ROBO4: variants seen among roughly 807,000 people sequenced by gnomAD.
The protein encoded by ROBO4 is roundabout guidance receptor 4.
In ROBO4, 80 loss-of-function variants were observed where a neutral mutation model predicts 103.3. That is an observed-to-expected ratio of 0.77 (90% CI 0.65 to 0.93). The LOEUF (loss-of-function observed/expected upper bound fraction) is 0.93, where lower values mean the gene tolerates loss of function less well. ROBO4 is among the 40% of genes least tolerant of loss of function. The pLI, the probability that ROBO4 is intolerant of heterozygous loss-of-function variation, is 0.00. For missense variants in ROBO4, 1,333 were observed against 1,305.3 expected (o/e 1.02, Z -0.33); for synonymous variants, 504 against 529.7 (o/e 0.95, Z 0.67).
chr11:124,893,081 G>T (rs1946823834), intron 10 of ROBO4: 1 of 155,732 alleles, frequency 6.4e-6, no homozygotes, highest in Non-Finnish European at 1.4e-5. Flanking sequence ...CAGACAGAGA[G>T]ATGAGGCGGT....
chr11:124,895,305 T>C, intron 6 of ROBO4, 112 bp from the exon 7 acceptor site: 1 of 1,149,952 alleles, frequency 8.7e-7, no homozygotes, highest in South Asian at 1.4e-5. Flanking sequence ...AAGAAGCCTC[T>C]TGAAGCTCTG....
chr11:124,894,848 T>A (rs1236879619), intron 7 of ROBO4, among the ~76,000 whole-genome samples: 1 of 152,206 alleles, frequency 6.6e-6, no homozygotes, highest in Non-Finnish European at 1.5e-5. Flanking sequence ...ACTTTCCATG[T>A]CTGTAAATTG....
chr11:124,887,057 C>T lies in ROBO4; in HGVS notation c.2355G>A (p.Leu785=), dbSNP rs772175465. 2.5e-6 allele frequency: 4 copies of T among 1,613,872 alleles called. No individual in the cohort carries two copies. The highest frequency in any genetic ancestry group is 3.4e-6 in the Non-Finnish European group (4 of 1,179,886). ...TCAGCACGCTGTCTTGATCCTCCCC[C>T]AGGGATGACAGTGAGGAGCTGGACA... ...SRLSSSSLSS[L]GEDQDSVLTP... The change falls in exon 15 of 18, where the codon CTG becomes CTA. Residue 785 remains leucine (L), a synonymous_variant. Transcript: ENST00000306534.
chr11:124,894,722 A>T (rs1194209759), intron 7 of ROBO4, among the ~76,000 whole-genome samples: 1 of 152,200 alleles, frequency 6.6e-6, no homozygotes, highest in Non-Finnish European at 1.5e-5. Flanking sequence ...TGTATTCCTA[A>T]CAAGGTCCTG....
Position 124,886,466 on chromosome 11 carries a change from A to G in ROBO4, c.2792T>C (p.Ile931Thr), listed in dbSNP as rs1214474469. The change falls in exon 16 of 18, where the codon ATA (isoleucine) becomes ACA (threonine). Residue 931 changes from isoleucine to threonine, a missense_variant and splice_region_variant. Transcript: ENST00000306534. ...TAAGATGGGGAGACCTCACATACCT[A>G]TGAAGACGCAGTCTGCCTCCCTGGG... ...LEPREADCVFIDASSPPSPRD... is the reference protein window; with the variant it reads ...LEPREADCVFTDASSPPSPRD... 1.2e-6 allele frequency: 2 copies of G among 1,611,496 alleles called. No homozygotes were observed. The highest frequency in any genetic ancestry group is 1.1e-5 in the South Asian group (1 of 90,948).
At chr11:124,887,995 T>G (rs1336884744) in intron 12 of ROBO4, among the ~76,000 whole-genome samples, 155 bp from the exon 13 acceptor site, 3 of 152,214 alleles carry the variant, frequency 2.0e-5, no homozygotes, top group African/African-American at 7.2e-5. Flanking sequence ...ACCCCCATCT[T>G]CATCCAGCAG....
At chr11:124,892,540 C>T (rs1946815915) in intron 10 of ROBO4, 1 of 157,284 alleles carries the variant, frequency 6.4e-6, no homozygotes, top group Non-Finnish European at 1.4e-5. Flanking sequence ...ACATAGCAGG[C>T]TATTACTTGC....
At chr11:124,891,628 C>T (rs747161647) in intron 11 of ROBO4, 38 bp downstream of exon 11, 49 of 1,614,064 alleles carry the variant, frequency 3.0e-5, no homozygotes, top group South Asian at 1.6e-4. Flanking sequence ...GAGATCACTG[C>T]CCCCAGCTAG....
intron 16 of ROBO4, 65 bp from the exon 17 acceptor site, chr11:124,885,312 C>G: frequency 7.1e-7 from 1 of 1,411,960 alleles, no homozygotes; most frequent in Non-Finnish European, 9.8e-7. Flanking sequence ...CAGTTTAGTA[C>G]AGAAAGCTTA....
intron 12 of ROBO4, among the ~76,000 whole-genome samples, chr11:124,888,095 T>C (rs34383371): frequency 0.23 from 35,569 of 152,200 alleles, 5,560 homozygotes; most frequent in African/African-American, 0.45. Context: ...TGTACCTTTC[T>C]GAGTCTCAGT....
intron 16 of ROBO4, among the ~76,000 whole-genome samples, chr11:124,886,005 A>G (rs888896568): frequency 1.1e-4 from 17 of 152,264 alleles, no homozygotes; most frequent in African/African-American, 3.9e-4. Flanking sequence ...CCTGGCCAAC[A>G]TGGTGAAACC....
At chr11:124,897,593 CTCA>C (rs1211086426) in intron 1 of ROBO4, 130 bp downstream of exon 1, 32 of 736,316 alleles carry the variant, frequency 4.3e-5, no homozygotes, top group African/African-American at 6.9e-5. Flanking sequence ...CTTACACACA[CTCA>C]TCATCATCAT....
At chr11:124,889,950 A>G (rs1434494571) in intron 12 of ROBO4, among the ~76,000 whole-genome samples, 1 of 152,160 alleles carries the variant, frequency 6.6e-6, no homozygotes, top group African/African-American at 2.4e-5. Context: ...TGGAGCGAGG[A>G]GAAACAGGGA....
chr11:124,883,891 A>G lies in ROBO4; in HGVS notation c.*1000T>C, dbSNP rs1946671206. On this transcript the variant is annotated 3_prime_UTR_variant, in exon 18 of 18. Transcript: ENST00000306534. Reference sequence around the variant, plus strand: ...TTGGGCAGAATGAACCTATTACTTCATTTTCCCCACAGCCAATCACCCTTC... The same window carrying G: ...TTGGGCAGAATGAACCTATTACTTCGTTTTCCCCACAGCCAATCACCCTTC... The G allele has an allele frequency of 6.6e-6, 1 of 151,596 alleles. No individual in the cohort carries two copies. The highest frequency in any genetic ancestry group is 2.4e-5 in the African/African-American group (1 of 41,256). The allele number at this position is 151,596 out of a possible 1,614,324, so 9.4% of individuals were successfully genotyped here. A position where few individuals can be genotyped will look rare whatever the true frequency, so the allele number is the denominator to read the frequency against.
chr11:124,891,349 G>A lies in ROBO4; in HGVS notation c.1898C>T (p.Pro633Leu), dbSNP rs1275432599. ...SLCSRRGLSSPRLSLAPAEAW... is the reference protein window; with the variant it reads ...SLCSRRGLSSLRLSLAPAEAW... ...CTCTGCAGGGGCCAGAGACAAGCGG[G>A]GAGAAGAGAGTCCCCTGCGGCTGCA... is the stretch of plus-strand genomic sequence containing the variant. Residue 633 changes from proline to leucine, a missense_variant, in exon 12 of 18, where the codon CCC becomes CTC. By Grantham distance (98) the Pro-to-Leu change is moderately conservative. Transcript: ENST00000306534. The A allele has an allele frequency of 6.5e-7, 1 of 1,539,142 alleles. No homozygotes were observed. Among genetic ancestry groups the A allele is most frequent in the African/African-American group, 1.4e-5 (1 of 72,610 alleles).
intron 13 of ROBO4, 28 bp downstream of exon 13, chr11:124,887,705 C>G (rs1396000246): frequency 1.2e-6 from 2 of 1,604,778 alleles, no homozygotes; most frequent in East Asian, 4.5e-5. Context: ...CTCACCCCTT[C>G]ACTTCCCTTT....
At chr11:124,896,459 G>A (rs550580568) in intron 3 of ROBO4, 54 bp downstream of exon 3, 1 of 1,599,320 alleles carries the variant, frequency 6.3e-7, no homozygotes, top group African/African-American at 1.3e-5. Flanking sequence ...CCATCAGGGT[G>A]TACCCAGGTC....
chr11:124,896,341 G>A, intron 3 of ROBO4, 23 bp from the exon 4 acceptor site: 2 of 1,613,184 alleles, frequency 1.2e-6, no homozygotes, highest in Non-Finnish European at 1.7e-6. Flanking sequence ...GGTTCACTGT[G>A]AAGTCTCCTA....
chr11:124,891,822 G>A lies in ROBO4; in HGVS notation c.1548-20C>T, dbSNP rs746601343. 6.2e-7 allele frequency: 1 copy of A among 1,613,572 alleles called. No individual in the cohort carries two copies. Among genetic ancestry groups the A allele is most frequent in the Non-Finnish European group, 8.5e-7 (1 of 1,179,748 alleles). Reference sequence around the variant, plus strand: ...TCCATCCTGGGGCAGTGGAGGGAGGGGGTGAGGCCAGGAGAAACAGGGAGA... The same window carrying A: ...TCCATCCTGGGGCAGTGGAGGGAGGAGGTGAGGCCAGGAGAAACAGGGAGA... On this transcript the variant is annotated intron_variant, in intron 10 of 17. Transcript: ENST00000306534.
Sources: allele counts gnomAD v4.1 joint callset (sites outside exome capture counted in the v4.1 genomes callset), GRCh38; gene constraint gnomAD v4.1.1; transcripts MANE v1.5; gene names NCBI Gene and HGNC (gene_info 2026-07-23, HGNC 2026-07-21).